DHX32: variants seen among roughly 807,000 people sequenced by gnomAD.
The protein encoded by DHX32 is putative pre-mRNA-splicing factor ATP-dependent RNA helicase DHX32.
DHX32 carries 51 observed loss-of-function variants against 70.0 expected under a neutral mutation model. That is an observed-to-expected ratio of 0.73 (90% CI 0.58 to 0.92). The LOEUF (loss-of-function observed/expected upper bound fraction) is 0.92, where lower values mean the gene tolerates loss of function less well. DHX32 is among the 40% of genes least tolerant of loss of function. The pLI, the probability that DHX32 is intolerant of heterozygous loss-of-function variation, is 0.00. For synonymous variants in DHX32, 310 were observed against 315.3 expected, an observed-to-expected ratio of 0.98 and a Z score of 0.18; for missense variants, 762 against 891.8, an observed-to-expected ratio of 0.85 and a Z score of 1.85.
chr10:125,879,236 C>T lies in DHX32; in HGVS notation c.282+1307G>A, dbSNP rs139981799. Among the ~76,000 whole-genome samples the T allele has an allele frequency of 7.9e-3, 1,203 of 151,584 alleles. 14 individuals carry two copies. The highest frequency in any genetic ancestry group is 0.015 in the Admixed American group (224 of 15,234). On this transcript the variant is annotated intron_variant, in intron 1 of 10. Coordinates refer to ENST00000284690, the MANE Select transcript of DHX32 (RefSeq NM_018180.3). ...TTGGGATCTTGCCATGTTGCCCAGCCTGGTCTCAAACTGCTGGACTCAAGC... is the reference window on the plus strand; with the variant it reads ...TTGGGATCTTGCCATGTTGCCCAGCTTGGTCTCAAACTGCTGGACTCAAGC...
chr10:125,895,463 C>G (rs76621157), intron 1 of DHX32, among the ~76,000 whole-genome samples: 2 of 151,456 alleles, frequency 1.3e-5, no homozygotes, highest in African/African-American at 4.9e-5. Context: ...TCCTTTTTCT[C>G]TCGTCTCCAT....
chr10:125,838,260 A>C lies in DHX32; in HGVS notation c.2009T>G (p.Phe670Cys). 22 of 1,613,368 alleles carry C rather than the reference A, an allele frequency of 1.4e-5. No homozygotes were observed. Among genetic ancestry groups the C allele is most frequent in the Non-Finnish European group, 1.9e-5 (22 of 1,179,854 alleles). Residue 670 changes from phenylalanine (F) to cysteine (C), a missense_variant, in exon 10 of 11, where the codon TTC becomes TGC. Physicochemically the swap from Phe to Cys is radical, Grantham distance 205. Around this residue, in one of 3 missense-constraint regions of DHX32, gnomAD observed 366 missense variants for 402.6 expected, o/e 0.91. Coordinates refer to ENST00000284690, the MANE Select transcript of DHX32 (RefSeq NM_018180.3). ...KMPEWVLFHK[F>C]SISENNYIRI... ...GATGTAGTTGTTCTCAGAAATGCTG[A>C]ATTTATGGAAGAGGACCCACTCTGG... is the stretch of plus-strand genomic sequence containing the variant.
At chr10:125,873,035 A>G (rs1477160323) in intron 1 of DHX32, among the ~76,000 whole-genome samples, 1 of 152,162 alleles carries the variant, frequency 6.6e-6, no homozygotes. Context: ...GCTGCTGGGT[A>G]GTGGGAGAGC....
chr10:125,839,153 TGAG>T lies in DHX32; in HGVS notation c.1726_1728del (p.Leu576del), dbSNP rs748476510. ...TCTGCCATTCTGAGTGCTGAACAGT[TGAG>T]GAAGTAATCACGACACCACTTTTCC... On this transcript the variant is annotated inframe_deletion, in exon 9 of 11. Coordinates refer to ENST00000284690, the MANE Select transcript of DHX32 (RefSeq NM_018180.3). 4 of 1,614,206 alleles carry T rather than the reference TGAG, an allele frequency of 2.5e-6. No homozygotes were observed. Among genetic ancestry groups the T allele is most frequent in the African/African-American group, 1.3e-5 (1 of 75,054 alleles).
intron 6 of DHX32, among the ~76,000 whole-genome samples, chr10:125,843,968 C>T (rs187475695): frequency 1.9e-3 from 284 of 152,284 alleles, no homozygotes; most frequent in African/African-American, 6.5e-3. Context: ...AATGTTTTCC[C>T]ATCAAGATTT....
chr10:125,882,308 C>T (rs1429613309), upstream of DHX32, among the ~76,000 whole-genome samples: 1 of 152,170 alleles, frequency 6.6e-6, no homozygotes, highest in Non-Finnish European at 1.5e-5. Context: ...CTGCACTTTT[C>T]GGATCACCTG....
At chr10:125,891,174 A>G (rs1182205767) in intron 1 of DHX32, among the ~76,000 whole-genome samples, 16 of 152,268 alleles carry the variant, frequency 1.1e-4, no homozygotes, top group Admixed American at 7.9e-4. Flanking sequence ...CAGAGTTAAT[A>G]AAGTATGCAA....
chr10:125,848,434 T>G (rs1022417649), intron 6 of DHX32, among the ~76,000 whole-genome samples: 7 of 152,166 alleles, frequency 4.6e-5, no homozygotes, highest in African/African-American at 1.4e-4. Flanking sequence ...ATTTTACAGA[T>G]GAGAAAAAGA....
At chr10:125,845,719 T>C (rs1944008313) in intron 6 of DHX32, among the ~76,000 whole-genome samples, 1 of 152,220 alleles carries the variant, frequency 6.6e-6, no homozygotes. Context: ...CATTTTCAAC[T>C]CCCTGCCCAC....
chr10:125,873,463 T>C (rs1189598357), intron 1 of DHX32, among the ~76,000 whole-genome samples: 1 of 152,100 alleles, frequency 6.6e-6, no homozygotes, highest in Non-Finnish European at 1.5e-5. Flanking sequence ...TCTTAATGTC[T>C]CTAGGACCAC....
chr10:125,885,666 G>C (rs1487392522), upstream of DHX32, among the ~76,000 whole-genome samples: 4 of 152,150 alleles, frequency 2.6e-5, no homozygotes, highest in Admixed American at 2.6e-4. Context: ...ACCGACTTCT[G>C]ATCTACGAAG....
intron 1 of DHX32, among the ~76,000 whole-genome samples, chr10:125,867,735 C>CAAA (rs1255031059): frequency 5.3e-5 from 3 of 56,466 alleles, no homozygotes; most frequent in East Asian, 5.2e-4. Context: ...GACTCCGTCT[C>CAAA]AAAAAAAAAA....
chr10:125,882,807 G>A (rs546546065), upstream of DHX32, among the ~76,000 whole-genome samples: 25 of 152,256 alleles, frequency 1.6e-4, no homozygotes, highest in African/African-American at 5.5e-4. Flanking sequence ...TGAGATCATC[G>A]CACAAGCTAA....
chr10:125,887,039 T>C (rs1227445798), intron 1 of DHX32, among the ~76,000 whole-genome samples: 2 of 152,248 alleles, frequency 1.3e-5, no homozygotes, highest in Non-Finnish European at 2.9e-5. Flanking sequence ...GACTAATTAA[T>C]AATTACGGGC....
chr10:125,874,302 C>A (rs1209510302), intron 1 of DHX32, among the ~76,000 whole-genome samples: 1 of 152,186 alleles, frequency 6.6e-6, no homozygotes, highest in Non-Finnish European at 1.5e-5. Context: ...CCAATGCTCC[C>A]ACTATCTAAA....
At chr10:125,878,094 C>T (rs893555299) in intron 1 of DHX32, among the ~76,000 whole-genome samples, 5 of 152,244 alleles carry the variant, frequency 3.3e-5, no homozygotes, top group Admixed American at 2.6e-4. Flanking sequence ...AGTCCAAATA[C>T]AACAACAAAC....
chr10:125,841,232 A>T (rs2134026764), intron 7 of DHX32: 1 of 1,603,962 alleles, frequency 6.2e-7, no homozygotes, highest in African/African-American at 1.3e-5. Flanking sequence ...AATATGGTTA[A>T]TATCCTGCTT....
At chr10:125,845,063 C>T (rs1378006099) in intron 6 of DHX32, among the ~76,000 whole-genome samples, 1 of 152,214 alleles carries the variant, frequency 6.6e-6, no homozygotes, top group African/African-American at 2.4e-5. Flanking sequence ...ACAAAGAGGT[C>T]ATTAAACTGC....
chr10:125,881,809 T>A (rs182851997), upstream of DHX32, among the ~76,000 whole-genome samples: 10 of 152,276 alleles, frequency 6.6e-5, no homozygotes, highest in East Asian at 1.7e-3. Flanking sequence ...GTCCAGCTAA[T>A]TTCTGTATTT....
Sources: gnomAD v4.1 joint callset for allele counts (sites outside exome capture counted in the v4.1 genomes callset) on GRCh38, gnomAD v4.1.1 for gene constraint, gnomAD v4.1.1 regional missense constraint, MANE v1.5 for transcripts, NCBI Gene and HGNC (gene_info 2026-07-23, HGNC 2026-07-21) for gene names.